The following KBTBD11 variants were observed in gnomAD, a reference collection of about 807,000 sequenced individuals.
KBTBD11 encodes kelch repeat and BTB domain containing 11, also known as kelch repeat and BTB domain-containing protein 11.
For missense variants in KBTBD11, 1,390 were observed against 1,001.8 expected (o/e 1.39, Z -5.23); for synonymous variants, 747 against 499.0 (o/e 1.50, Z -6.63).
In KBTBD11 at chr8:2,001,386, C is replaced by T. The variant is rs1001285772; in HGVS notation, c.194C>T (p.Pro65Leu). 18 of 1,453,860 alleles carry T rather than the reference C, an allele frequency of 1.2e-5. No individual in the cohort carries two copies. The highest frequency in any genetic ancestry group is 9.7e-5 in the Admixed American group (4 of 41,116). 90.1% of individuals were successfully genotyped at this position (1,453,860 alleles called of 1,614,324 possible). Reference sequence around the variant, plus strand: ...GCGGCGGAAGGCGCGGCCACCTCCCCGCCCTCCAGCGGTGGCCCGCGGGTG... The same window carrying T: ...GCGGCGGAAGGCGCGGCCACCTCCCTGCCCTCCAGCGGTGGCCCGCGGGTG... ...ASAAEGAATS[P>L]PSSGGPRVVE... is the part of the protein sequence containing the mutation. Residue 65 changes from proline to leucine, a missense_variant, in exon 2 of 2, where the codon CCG (proline) becomes CTG (leucine). Transcript: ENST00000320248.
At chr8:1,997,779 T>C (rs1370589214) in intron 1 of KBTBD11, among the ~76,000 whole-genome samples, 3 of 152,216 alleles carry the variant, frequency 2.0e-5, no homozygotes, top group Non-Finnish European at 4.4e-5. Context: ...TTCCTCCCAG[T>C]GAGAGTGCGA....
Position 2,004,383 on chromosome 8 carries a change from C to T in KBTBD11, c.*1319C>T, listed in dbSNP as rs531565512. The T allele has an allele frequency of 6.0e-6, 1 of 166,892 alleles. No individual in the cohort carries two copies. The highest frequency in any genetic ancestry group is 1.5e-5 in the Non-Finnish European group (1 of 68,104). The allele number at this position is 166,892 out of a possible 1,614,324, so 10.3% of individuals were successfully genotyped here. A position where few individuals can be genotyped will look rare whatever the true frequency, so the allele number is the denominator to read the frequency against. ...TGAGATCCATGCTCACAAATAGAGG[C>T]GAACATTTGAACTCCGAATCCAACC... is the stretch of plus-strand genomic sequence containing the variant. On this transcript the variant is annotated 3_prime_UTR_variant, in exon 2 of 2. Transcript: ENST00000320248.
Position 2,001,606 on chromosome 8 carries a change from G to A in KBTBD11, c.414G>A (p.Gly138=), listed in dbSNP as rs1817362446. The A allele has an allele frequency of 6.8e-7, 1 of 1,474,226 alleles. No homozygotes were observed. The highest frequency in any genetic ancestry group is 8.9e-7 in the Non-Finnish European group (1 of 1,118,132). The allele number at this position is 1,474,226 out of a possible 1,614,324, so 91.3% of individuals were successfully genotyped here. The change falls in exon 2 of 2, where the codon GGG becomes GGA. Residue 138 remains glycine, a synonymous_variant. Coordinates refer to ENST00000320248, the MANE Select transcript of KBTBD11 (RefSeq NM_014867.3). ...PVPPGFGAVY[G]EPDLVLEVSG... ...CCCCGGGGTTCGGGGCGGTGTACGG[G>A]GAGCCGGACCTGGTGCTGGAGGTGT...
chr8:1,984,279 GTTTTTTTTTTTT>G (rs71211539), intron 1 of KBTBD11, among the ~76,000 whole-genome samples: 3 of 98,566 alleles, frequency 3.0e-5, no homozygotes, highest in South Asian at 3.6e-4. Context: ...CTCTAAAAAA[GTTTTTTTTTTTT>G]TTTTTTTTTT....
At chr8:1,977,966 C>G (rs1816406318) in intron 1 of KBTBD11, among the ~76,000 whole-genome samples, 1 of 152,230 alleles carries the variant, frequency 6.6e-6, no homozygotes, top group Admixed American at 6.5e-5. Context: ...GTTCAATAAG[C>G]CATGCACAGC....
chr8:2,002,599 C>A lies in KBTBD11; in HGVS notation c.1407C>A (p.Arg469=). Residue 469 remains arginine, a synonymous_variant, in exon 2 of 2, where the codon CGC becomes CGA. Coordinates refer to ENST00000320248, the MANE Select transcript of KBTBD11 (RefSeq NM_014867.3). This position sits in a 1 kb window ranked among gnomAD's most constrained non-coding sequence, Gnocchi z 4.1. ...IYVSGGSLFY[R]LLKYDPRRDE... ...TGTCCGGGGGCTCCCTCTTCTATCG[C>A]CTGCTCAAGTATGACCCGCGGCGCG... 1 of 1,585,886 alleles carries A rather than the reference C, an allele frequency of 6.3e-7. No homozygotes were observed.
At chr8:1,998,079 T>C (rs576765083) in intron 1 of KBTBD11, among the ~76,000 whole-genome samples, 1 of 152,362 alleles carries the variant, frequency 6.6e-6, no homozygotes, top group African/African-American at 2.4e-5. Context: ...AATTTGAAAC[T>C]GAAAATGCTC....
chr8:1,984,269 C>A (rs542596718), intron 1 of KBTBD11, among the ~76,000 whole-genome samples: 1 of 142,650 alleles, frequency 7.0e-6, no homozygotes, highest in African/African-American at 2.6e-5. Context: ...GAGACCCCAT[C>A]TCTAAAAAAG....
Position 2,002,696 on chromosome 8 carries a change from A to C in KBTBD11, c.1504A>C (p.Ile502Leu), listed in dbSNP as rs1817434035. The change falls in exon 2 of 2, where the codon ATC (isoleucine) becomes CTC (leucine). Residue 502 changes from isoleucine (I) to leucine (L), a missense_variant. Ile to Leu is a conservative substitution (Grantham distance 5). Transcript: ENST00000320248. This position sits in a 1 kb window ranked among gnomAD's most constrained non-coding sequence, Gnocchi z 4.1. The part of the protein sequence containing the change: ...SADMVALDGF[I>L]YRFDLSGSRG... Reference sequence around the variant, plus strand: ...CGACATGGTGGCTCTCGACGGCTTCATCTACCGCTTCGATCTGAGCGGCAG... The same window carrying C: ...CGACATGGTGGCTCTCGACGGCTTCCTCTACCGCTTCGATCTGAGCGGCAG... The C allele has an allele frequency of 2.6e-6, 4 of 1,553,734 alleles. No homozygotes were observed. The highest frequency in any genetic ancestry group is 3.5e-6 in the Non-Finnish European group (4 of 1,158,858).
intron 1 of KBTBD11, among the ~76,000 whole-genome samples, chr8:1,980,091 G>A (rs918367183): frequency 6.6e-6 from 1 of 152,136 alleles, no homozygotes; most frequent in African/African-American, 2.4e-5. Flanking sequence ...TGAATCTCTT[G>A]GGATTTGTAG....
Position 2,003,000 on chromosome 8 carries a change from T to G in KBTBD11, c.1808T>G (p.Val603Gly). 4 of 1,302,148 alleles carry G rather than the reference T, an allele frequency of 3.1e-6. No homozygotes were observed. The highest frequency in any genetic ancestry group is 3.9e-6 in the Non-Finnish European group (4 of 1,025,844). 80.7% of individuals were successfully genotyped at this position (1,302,148 alleles called of 1,614,324 possible). Residue 603 changes from valine (V) to glycine (G), a missense_variant, in exon 2 of 2, where the codon GTG becomes GGG. Coordinates refer to ENST00000320248, the MANE Select transcript of KBTBD11 (RefSeq NM_014867.3). This position sits in a 1 kb window ranked among gnomAD's most constrained non-coding sequence, Gnocchi z 4.1. Reference protein sequence around the residue: ...ALGAPLDVRGVLIPFALSLPE... With the variant: ...ALGAPLDVRGGLIPFALSLPE... ...GGCGCCCCCTTGGACGTCCGGGGTGTGCTCATCCCGTTCGCTCTCAGCCTG... is the reference window on the plus strand; with the variant it reads ...GGCGCCCCCTTGGACGTCCGGGGTGGGCTCATCCCGTTCGCTCTCAGCCTG...
At chr8:1,987,004 C>A (rs1816724910) in intron 1 of KBTBD11, among the ~76,000 whole-genome samples, 1 of 85,194 alleles carries the variant, frequency 1.2e-5, no homozygotes, top group African/African-American at 5.5e-5. Context: ...GACCCTATCT[C>A]TCCAAAAAAA....
chr8:1,975,422 T>G (rs996688339), intron 1 of KBTBD11: 2 of 152,282 alleles, frequency 1.3e-5, no homozygotes, highest in African/African-American at 4.8e-5. Context: ...CCCTGTGTCT[T>G]TTTCATGCTT....
In KBTBD11 at chr8:2,002,452, G is replaced by C. The variant is rs902524518; in HGVS notation, c.1260G>C (p.Glu420Asp). The C allele has an allele frequency of 2.0e-6, 3 of 1,507,848 alleles. No individual in the cohort carries two copies. The highest frequency in any genetic ancestry group is 8.8e-7 in the Non-Finnish European group (1 of 1,135,864). The allele number at this position is 1,507,848 out of a possible 1,614,324, so 93.4% of individuals were successfully genotyped here. ...GTCACCTCTACGCCGTGGGCGGCGA[G>C]TGCCTGCTCAGCGTGGAGCGCTACG... is the stretch of plus-strand genomic sequence containing the variant. ...LDGHLYAVGG[E>D]CLLSVERYDP... The change falls in exon 2 of 2, where the codon GAG (glutamate) becomes GAC (aspartate). Residue 420 changes from glutamate to aspartate, a missense_variant. Coordinates refer to ENST00000320248, the MANE Select transcript of KBTBD11 (RefSeq NM_014867.3). The surrounding 1 kb of genome is among the most constrained non-coding windows in gnomAD (Gnocchi z 4.1).
At position 2,004,877 on chromosome 8, in the gene KBTBD11, G is replaced by A. The variant is rs778437178; in HGVS notation, c.*1813G>A. The A allele has an allele frequency of 4.0e-4, 66 of 167,010 alleles. No homozygotes were observed. The highest frequency in any genetic ancestry group is 1.6e-4 in the Non-Finnish European group (11 of 68,122). The allele number at this position is 167,010 out of a possible 1,614,324, so 10.3% of individuals were successfully genotyped here. Reference sequence around the variant, plus strand: ...TTTTAAGCAATGTACCATTCACACTGTCCTGCCTTTTCCTCTAGAATTTTA... The same window carrying A: ...TTTTAAGCAATGTACCATTCACACTATCCTGCCTTTTCCTCTAGAATTTTA... On this transcript the variant is annotated 3_prime_UTR_variant, in exon 2 of 2. Coordinates refer to ENST00000320248, the MANE Select transcript of KBTBD11 (RefSeq NM_014867.3).
At chr8:1,997,360 C>G (rs191923921) in intron 1 of KBTBD11, among the ~76,000 whole-genome samples, 3 of 151,814 alleles carry the variant, frequency 2.0e-5, no homozygotes, top group African/African-American at 7.3e-5. Flanking sequence ...CAACTCCTCT[C>G]CATCTATTTT....
intron 1 of KBTBD11, among the ~76,000 whole-genome samples, chr8:1,991,626 A>G (rs1264219990): frequency 1.3e-5 from 2 of 152,082 alleles, no homozygotes; most frequent in East Asian, 3.9e-4. Flanking sequence ...TCCCCACACC[A>G]GGTCAGAAGA....
chr8:1,974,699 G>A, intron 1 of KBTBD11: 3 of 985,444 alleles, frequency 3.0e-6, no homozygotes, highest in Non-Finnish European at 2.4e-6. Flanking sequence ...GGTCTGGGCG[G>A]GATTCCGCAG....
chr8:1,974,425 C>G, intron 1 of KBTBD11: 1 of 984,214 alleles, frequency 1.0e-6, no homozygotes, highest in Non-Finnish European at 1.2e-6. Context: ...GGGGCTCCTC[C>G]CGGGGTTGCT....
Sources: gnomAD v4.1 joint callset for allele counts (sites outside exome capture counted in the v4.1 genomes callset) on GRCh38, gnomAD v4.1.1 for gene constraint, Gnocchi (gnomAD v3.1) non-coding constraint, MANE v1.5 for transcripts, NCBI Gene and HGNC (gene_info 2026-07-23, HGNC 2026-07-21) for gene names.